SLC25A21: variants seen among roughly 807,000 people sequenced by gnomAD.
The protein encoded by SLC25A21 is solute carrier family 25 member 21, also known as mitochondrial 2-oxodicarboxylate carrier.
Under a neutral mutation model 43.8 loss-of-function variants are expected in SLC25A21, and 47 were observed. The observed-to-expected ratio is 1.07, with a 90% CI of 0.85 to 1.37. The LOEUF (loss-of-function observed/expected upper bound fraction) is 1.37, where lower values mean the gene tolerates loss of function less well. Ranked by LOEUF, SLC25A21 falls within the 40% of genes most tolerant of loss-of-function variation. SLC25A21 has a pLI of 0.00. For synonymous variants in SLC25A21, 131 were observed against 121.3 expected, an observed-to-expected ratio of 1.08 and a Z score of -0.52; for missense variants, 352 against 350.2, an observed-to-expected ratio of 1.00 and a Z score of -0.04.
At chr14:36,967,824 A>G (rs1959652910) in intron 1 of SLC25A21, among the ~76,000 whole-genome samples, 1 of 152,294 alleles carries the variant, frequency 6.6e-6, no homozygotes, top group Admixed American at 6.5e-5. Context: ...ACATGGTGCC[A>G]CATGCACTTG....
At chr14:37,124,424 C>T (rs1313326304) in intron 1 of SLC25A21, among the ~76,000 whole-genome samples, 2 of 152,094 alleles carry the variant, frequency 1.3e-5, no homozygotes, top group African/African-American at 4.8e-5. Context: ...AGTTTAAACA[C>T]TGCAGACCTG....
At chr14:36,873,149 C>A (rs531240016) in intron 2 of SLC25A21, among the ~76,000 whole-genome samples, 1 of 152,224 alleles carries the variant, frequency 6.6e-6, no homozygotes, top group East Asian at 1.9e-4. Flanking sequence ...TCTGGCTTCT[C>A]AAAGAAGGTT....
intron 2 of SLC25A21, among the ~76,000 whole-genome samples, chr14:36,853,351 A>G (rs1889801158): frequency 6.6e-6 from 1 of 152,174 alleles, no homozygotes; most frequent in Non-Finnish European, 1.5e-5. Flanking sequence ...ACACTACACT[A>G]CTGCAATTTG....
intron 1 of SLC25A21, among the ~76,000 whole-genome samples, chr14:36,919,649 A>ATCTATCTATCTATCTGTCTG (rs1167376437): frequency 3.0e-4 from 45 of 149,740 alleles, no homozygotes; most frequent in African/African-American, 1.0e-3. Flanking sequence ...CTATCTATCT[A>ATCTATCTATCTATCTGTCTG]TCTATCTATC....
chr14:36,862,623 A>G (rs1890102399), intron 2 of SLC25A21, among the ~76,000 whole-genome samples: 2 of 143,094 alleles, frequency 1.4e-5, no homozygotes, highest in African/African-American at 5.1e-5. Flanking sequence ...CTGTGGGGCT[A>G]GGGGAGGAAT....
intron 1 of SLC25A21, among the ~76,000 whole-genome samples, chr14:36,906,868 A>T (rs8013839): frequency 0.016 from 2,409 of 152,206 alleles, 61 homozygotes; most frequent in African/African-American, 0.054. Context: ...GGTCCTTAAA[A>T]ATGCATCTCC....
At chr14:37,116,281 C>T (rs961044968) in intron 1 of SLC25A21, among the ~76,000 whole-genome samples, 2 of 152,112 alleles carry the variant, frequency 1.3e-5, no homozygotes, top group African/African-American at 4.8e-5. Context: ...TGTCCCACTC[C>T]GGGTAGATAA....
At chr14:37,000,788 C>T (rs1023514164) in intron 1 of SLC25A21, among the ~76,000 whole-genome samples, 1 of 151,950 alleles carries the variant, frequency 6.6e-6, no homozygotes, top group East Asian at 1.9e-4. Flanking sequence ...AAGTGTGTGG[C>T]ACTTCCTTTT....
chr14:36,835,228 C>A (rs1889168179), intron 2 of SLC25A21, among the ~76,000 whole-genome samples: 1 of 152,180 alleles, frequency 6.6e-6, no homozygotes, highest in Admixed American at 6.5e-5. Context: ...AGATAATGAA[C>A]CTGCCAAGGG....
chr14:37,153,172 G>C (rs1328344067), intron 1 of SLC25A21, among the ~76,000 whole-genome samples: 1 of 152,188 alleles, frequency 6.6e-6, no homozygotes, highest in Non-Finnish European at 1.5e-5. Flanking sequence ...GTTGATGGGA[G>C]ACGAAGGGAC....
At chr14:37,078,973 T>C (rs1036999553) in intron 1 of SLC25A21, among the ~76,000 whole-genome samples, 4 of 152,178 alleles carry the variant, frequency 2.6e-5, no homozygotes, top group African/African-American at 9.7e-5. Context: ...AAATCAGTTC[T>C]AGGAAAGAAA....
In SLC25A21 at chr14:36,755,822, T is replaced by C. The variant is rs548443717; in HGVS notation, c.204-21249A>G. ...ATGTTCCTGGTGAAGGCCTCAGAGC[T>C]CCACCCCTCCCTCTGGAGGCCAAGT... is the stretch of plus-strand genomic sequence containing the variant. On this transcript the variant is annotated intron_variant, in intron 3 of 9. Transcript: ENST00000331299. 1.7e-3 allele frequency among the ~76,000 whole-genome samples: 266 copies of C among 152,220 alleles called. 1 individual carries two copies. Among genetic ancestry groups the C allele is most frequent in the Non-Finnish European group, 2.6e-3 (175 of 68,006 alleles).
intron 2 of SLC25A21, among the ~76,000 whole-genome samples, chr14:36,865,405 C>T (rs1393941022): frequency 6.6e-6 from 1 of 152,118 alleles, no homozygotes; most frequent in African/African-American, 2.4e-5. Flanking sequence ...TGCCCTAGTA[C>T]CCCACTCAGT....
intron 1 of SLC25A21, among the ~76,000 whole-genome samples, chr14:36,914,608 A>T (rs1891780303): frequency 6.6e-6 from 1 of 152,172 alleles, no homozygotes. Context: ...ACATAAAGCG[A>T]GTGACAACAC....
At chr14:36,682,044 G>T (rs17105005) in intron 9 of SLC25A21, among the ~76,000 whole-genome samples, 2 of 152,258 alleles carry the variant, frequency 1.3e-5, no homozygotes, top group South Asian at 2.1e-4. Context: ...TTCATGGAAG[G>T]TACCTGATTG....
At chr14:36,993,316 C>T (rs1289042088) in intron 1 of SLC25A21, among the ~76,000 whole-genome samples, 2 of 152,154 alleles carry the variant, frequency 1.3e-5, no homozygotes, top group African/African-American at 2.4e-5. Flanking sequence ...AAATATCAAA[C>T]AAATATTCAG....
At chr14:37,073,525 C>G (rs935607330) in intron 1 of SLC25A21, among the ~76,000 whole-genome samples, 1 of 152,130 alleles carries the variant, frequency 6.6e-6, no homozygotes, top group Non-Finnish European at 1.5e-5. Context: ...GGTCTTCATT[C>G]TTTATGAGGA....
At chr14:37,005,001 A>C (rs1293392997) in intron 1 of SLC25A21, among the ~76,000 whole-genome samples, 1 of 148,602 alleles carries the variant, frequency 6.7e-6, no homozygotes, top group African/African-American at 2.5e-5. Flanking sequence ...ATCCATATCT[A>C]TCCCTTCAGA....
Position 36,679,929 on chromosome 14 carries a change from T to C in SLC25A21, c.*729A>G, listed in dbSNP as rs1882132211. 6 of 928,126 alleles carry C rather than the reference T, an allele frequency of 6.5e-6. No homozygotes were observed. The highest frequency in any genetic ancestry group is 7.7e-6 in the Non-Finnish European group (6 of 780,804). 57.5% of individuals were successfully genotyped at this position (928,126 alleles called of 1,614,324 possible). A position where few individuals can be genotyped will look rare whatever the true frequency, so the allele number is the denominator to read the frequency against. The stretch of plus-strand genomic sequence containing the variant: ...TACTTGTGTTAGAAGAGATTTGGAA[T>C]ACCTTGATTTAAACATGCTTAAACA... On this transcript the variant is annotated 3_prime_UTR_variant, in exon 10 of 10. Coordinates refer to ENST00000331299, the MANE Select transcript of SLC25A21 (RefSeq NM_030631.4).
Sources: gnomAD v4.1 joint callset for allele counts (sites outside exome capture counted in the v4.1 genomes callset) on GRCh38, gnomAD v4.1.1 for gene constraint, MANE v1.5 for transcripts, NCBI Gene and HGNC (gene_info 2026-07-23, HGNC 2026-07-21) for gene names.